CHST11: variants seen among roughly 807,000 people sequenced by gnomAD.
The protein encoded by CHST11 is carbohydrate sulfotransferase 11.
In CHST11, 9 loss-of-function variants were observed where a neutral mutation model predicts 30.4. The ratio of observed to expected loss-of-function variants is 0.30; its 90% CI spans 0.18 to 0.52. The LOEUF is 0.52. CHST11 is among the 20% of genes least tolerant of loss of function. The pLI is 0.97. For missense variants in CHST11, 348 were observed against 460.6 expected (o/e 0.76, Z 2.24); for synonymous variants, 152 against 187.8 (o/e 0.81, Z 1.56).
intron 1 of CHST11, among the ~76,000 whole-genome samples, chr12:104,561,714 C>T (rs950729432): frequency 6.6e-6 from 1 of 152,044 alleles, no homozygotes; most frequent in Non-Finnish European, 1.5e-5. Flanking sequence ...GTGCCAGCCA[C>T]TGCGCTAAGG....
At chr12:104,555,883 T>A (rs1320660935) in intron 1 of CHST11, among the ~76,000 whole-genome samples, 1 of 152,260 alleles carries the variant, frequency 6.6e-6, no homozygotes, top group Non-Finnish European at 1.5e-5. Context: ...GTCCAGCCCC[T>A]GCTGCTCTCC....
chr12:104,725,786 G>A (rs2040212280), intron 2 of CHST11, among the ~76,000 whole-genome samples: 2 of 151,910 alleles, frequency 1.3e-5, no homozygotes, highest in South Asian at 2.1e-4. Flanking sequence ...GTGGGCAGTG[G>A]GTCTCACAGC....
At chr12:104,514,036 C>A (rs1341949270) in intron 1 of CHST11, 1 of 864,894 alleles carries the variant, frequency 1.2e-6, no homozygotes. Flanking sequence ...AAAATGCAGA[C>A]CCCCGGGGCA....
chr12:104,755,645 G>A (rs1426401454), intron 2 of CHST11, among the ~76,000 whole-genome samples: 3 of 152,110 alleles, frequency 2.0e-5, no homozygotes, highest in African/African-American at 7.2e-5. Context: ...AATCAGCAGG[G>A]CATGGTGATG....
In CHST11 at chr12:104,461,568, T is replaced by C. The variant is rs902360821; in HGVS notation, c.118+4039T>C. Among the ~76,000 whole-genome samples, 5 of 152,224 alleles carry C rather than the reference T, an allele frequency of 3.3e-5. No individual in the cohort carries two copies. The South Asian group carries it at 1.0e-3, about 32-fold the overall frequency. ...AGCTCTTCAGAACCTTCCTTTTGTG[T>C]TACTCCATAGGATTGTGGTTTTTGT... On this transcript the variant is annotated intron_variant, in intron 1 of 2. Transcript: ENST00000303694.
At chr12:104,700,883 G>C (rs947363766) in intron 2 of CHST11, among the ~76,000 whole-genome samples, 2 of 152,128 alleles carry the variant, frequency 1.3e-5, no homozygotes, top group African/African-American at 4.8e-5. Context: ...GGCTGACGCA[G>C]GTGGATCACG....
chr12:104,584,261 C>CTT (rs34673490), intron 1 of CHST11, among the ~76,000 whole-genome samples: 41,939 of 136,662 alleles, frequency 0.31, 7,396 homozygotes, highest in East Asian at 0.53. Context: ...TCTCTTTCTT[C>CTT]TTTTTTTTTT....
At chr12:104,556,290 C>T (rs1265075137) in intron 1 of CHST11, among the ~76,000 whole-genome samples, 1 of 152,154 alleles carries the variant, frequency 6.6e-6, no homozygotes, top group African/African-American at 2.4e-5. Context: ...GTTCAGCTGG[C>T]TCCAAAGCCC....
chr12:104,512,434 G>A lies in CHST11; in HGVS notation c.118+54905G>A, dbSNP rs149671581. On this transcript the variant is annotated intron_variant, in intron 1 of 2. Transcript: ENST00000303694. ...GTGCTAGGAACTGTTCAGTTAAATA[G>A]GTAGTACAGTTAAGAGAATAAGTCA... is the stretch of plus-strand genomic sequence containing the variant. Among the ~76,000 whole-genome samples, 10 of 152,304 alleles carry A rather than the reference G, an allele frequency of 6.6e-5. No individual in the cohort carries two copies. The East Asian group carries it at 1.9e-3, about 29-fold the overall frequency.
At chr12:104,642,044 A>G (rs886469087) in intron 2 of CHST11, among the ~76,000 whole-genome samples, 1 of 152,198 alleles carries the variant, frequency 6.6e-6, no homozygotes, top group Non-Finnish European at 1.5e-5. Context: ...CCTATGGTGC[A>G]CAGGACAATC....
intron 1 of CHST11, among the ~76,000 whole-genome samples, chr12:104,545,417 T>C (rs561885651): frequency 6.6e-6 from 1 of 152,386 alleles, no homozygotes; most frequent in East Asian, 1.9e-4. Flanking sequence ...GGATGTGGAC[T>C]GTGTTCTGAT....
In CHST11 at chr12:104,533,392, G is replaced by A. The variant is rs149346745; in HGVS notation, c.119-68514G>A. ...TGGCCATGCTTTATCTTGGTTGCTG[G>A]CATCAAACCTGAAAACACTGGCATT... On this transcript the variant is annotated intron_variant, in intron 1 of 2. Transcript: ENST00000303694. Among the ~76,000 whole-genome samples, 35 of 152,296 alleles carry A rather than the reference G, an allele frequency of 2.3e-4. No homozygotes were observed. The East Asian group carries it at 6.2e-3, about 27-fold the overall frequency.
At chr12:104,639,387 C>T (rs1234918065) in intron 2 of CHST11, among the ~76,000 whole-genome samples, 1 of 152,168 alleles carries the variant, frequency 6.6e-6, no homozygotes, top group African/African-American at 2.4e-5. Context: ...AATGGATACA[C>T]AAAATATGGT....
chr12:104,710,694 C>T (rs967306272), intron 2 of CHST11, among the ~76,000 whole-genome samples: 5 of 152,178 alleles, frequency 3.3e-5, no homozygotes, highest in African/African-American at 1.2e-4. Context: ...GATGAGTAAA[C>T]GTGGCCCCTC....
At chr12:104,683,977 G>A (rs1383453861) in intron 2 of CHST11, among the ~76,000 whole-genome samples, 1 of 152,212 alleles carries the variant, frequency 6.6e-6, no homozygotes, top group East Asian at 1.9e-4. Flanking sequence ...GAAGGGCAGA[G>A]AGGTGAAAGA....
intron 1 of CHST11, among the ~76,000 whole-genome samples, chr12:104,530,015 T>C (rs1795861): frequency 0.62 from 93,883 of 151,900 alleles, 29,593 homozygotes; most frequent in East Asian, 0.97. Flanking sequence ...AAAAATTAGC[T>C]AGGCATGGTG....
intron 2 of CHST11, among the ~76,000 whole-genome samples, chr12:104,717,674 G>A (rs2040141846): frequency 6.6e-6 from 1 of 152,200 alleles, no homozygotes; most frequent in Non-Finnish European, 1.5e-5. Flanking sequence ...TCGAGTCTGA[G>A]GCAGGAGAAT....
chr12:104,460,264 G>A (rs1156824255), intron 1 of CHST11, among the ~76,000 whole-genome samples: 1 of 152,144 alleles, frequency 6.6e-6, no homozygotes, highest in Non-Finnish European at 1.5e-5. Flanking sequence ...GGAGGCCTCT[G>A]GCAGGGGTTC....
intron 2 of CHST11, among the ~76,000 whole-genome samples, chr12:104,753,135 T>G (rs1247896948): frequency 6.6e-6 from 1 of 152,208 alleles, no homozygotes; most frequent in Non-Finnish European, 1.5e-5. Flanking sequence ...GCAGTCACTT[T>G]GCCTGTCTCA....
Sources: gnomAD v4.1 joint callset for allele counts (sites outside exome capture counted in the v4.1 genomes callset) on GRCh38, gnomAD v4.1.1 for gene constraint, MANE v1.5 for transcripts, NCBI Gene and HGNC (gene_info 2026-07-23, HGNC 2026-07-21) for gene names.